The following FAP variants were observed in gnomAD, a reference collection of about 807,000 sequenced individuals.
The protein encoded by FAP is prolyl endopeptidase FAP.
In FAP, 110 loss-of-function variants were observed where a neutral mutation model predicts 126.5. That is an observed-to-expected ratio of 0.87 (90% CI 0.74 to 1.02). FAP has a LOEUF of 1.02. Ranked by LOEUF, FAP falls within the 50% of genes least tolerant of loss-of-function variation. The pLI is 0.00. For synonymous variants in FAP, 334 were observed against 297.3 expected (o/e 1.12, Z -1.27); for missense variants, 919 against 909.2 (o/e 1.01, Z -0.14).
intron 15 of FAP, among the ~76,000 whole-genome samples, chr2:162,199,522 G>A (rs148082256): frequency 1.2e-4 from 19 of 152,252 alleles, no homozygotes; most frequent in African/African-American, 3.9e-4. Flanking sequence ...TGGTTCCTGA[G>A]CAGGGTGATT....
chr2:162,192,067 A>T (rs1688067562), intron 17 of FAP, among the ~76,000 whole-genome samples: 1 of 151,918 alleles, frequency 6.6e-6, no homozygotes, highest in Non-Finnish European at 1.5e-5. Flanking sequence ...TTCCTCTATC[A>T]CATCCACTCA....
At chr2:162,226,455 A>T (rs1223687039) in intron 3 of FAP, 68 bp downstream of exon 3, 1 of 726,892 alleles carries the variant, frequency 1.4e-6, no homozygotes, top group Admixed American at 2.6e-5. Context: ...ATAGAGATGT[A>T]TTGGCACTAA....
At chr2:162,224,690 T>A in intron 4 of FAP, 150 bp from the exon 5 acceptor site, 1 of 516,800 alleles carries the variant, frequency 1.9e-6, no homozygotes, top group Non-Finnish European at 3.4e-6. Flanking sequence ...GGAACTTAAC[T>A]ATAATTCAAA....
At chr2:162,194,631 T>C (rs891906589) in intron 17 of FAP, 70 bp downstream of exon 17, 3 of 1,400,192 alleles carry the variant, frequency 2.1e-6, no homozygotes, top group African/African-American at 1.4e-5. Context: ...TGTCCTGCTT[T>C]CTCTAGCGGA....
chr2:162,239,807 C>G (rs967270544), intron 2 of FAP, among the ~76,000 whole-genome samples: 4 of 152,154 alleles, frequency 2.6e-5, no homozygotes, highest in Non-Finnish European at 5.9e-5. Flanking sequence ...CAAATAGTTC[C>G]TATGATTTCT....
At chr2:162,221,330 G>C (rs74378743) in intron 6 of FAP, among the ~76,000 whole-genome samples, 5,573 of 152,090 alleles carry the variant, frequency 0.037, 482 homozygotes, top group Admixed American at 0.22. Context: ...AGGAGTTCGA[G>C]ACCAGCCTGG....
chr2:162,195,629 T>A (rs932917350), intron 16 of FAP, among the ~76,000 whole-genome samples: 1 of 152,084 alleles, frequency 6.6e-6, no homozygotes, highest in Non-Finnish European at 1.5e-5. Context: ...GATGAAGGGA[T>A]CTGGCTGGCA....
chr2:162,207,797 G>A (rs1688766675), intron 12 of FAP, among the ~76,000 whole-genome samples: 1 of 150,618 alleles, frequency 6.6e-6, no homozygotes, highest in Non-Finnish European at 1.5e-5. Flanking sequence ...TGCAAGCTCC[G>A]CCTCCCAGGT....
At chr2:162,172,944 A>C (rs1687366898) in intron 24 of FAP, 60 bp from the exon 25 acceptor site, 1 of 1,355,828 alleles carries the variant, frequency 7.4e-7, no homozygotes, top group South Asian at 1.2e-5. Context: ...TAGAGTGACA[A>C]TGTACTGCCT....
intron 14 of FAP, among the ~76,000 whole-genome samples, chr2:162,201,095 A>G (rs1688479717): frequency 6.6e-6 from 1 of 152,170 alleles, no homozygotes; most frequent in South Asian, 2.1e-4. Flanking sequence ...CCAGATGCAA[A>G]AGAAGTCATA....
chr2:162,238,895 C>G (rs1341544886), intron 2 of FAP, among the ~76,000 whole-genome samples: 1 of 152,118 alleles, frequency 6.6e-6, no homozygotes, highest in Non-Finnish European at 1.5e-5. Flanking sequence ...AATGATATTT[C>G]TTCTTAAAAA....
chr2:162,207,570 G>C (rs562999604), intron 12 of FAP, among the ~76,000 whole-genome samples: 5 of 152,294 alleles, frequency 3.3e-5, no homozygotes, highest in Non-Finnish European at 7.3e-5. Flanking sequence ...AGAGGTATGT[G>C]CCTCAACTGA....
At chr2:162,217,005 A>G (rs1276835565) in intron 9 of FAP, among the ~76,000 whole-genome samples, 1 of 152,206 alleles carries the variant, frequency 6.6e-6, no homozygotes, top group Non-Finnish European at 1.5e-5. Context: ...GTTCTTTTAC[A>G]TCTTGGGTTC....
intron 11 of FAP, 35 bp from the exon 12 acceptor site, chr2:162,210,031 A>AG (rs1459184829): frequency 6.3e-7 from 1 of 1,594,074 alleles, no homozygotes; most frequent in African/African-American, 1.3e-5. Context: ...ACATAGTATT[A>AG]GGAGAACATT....
rs1688334490 is a variant in FAP, at chr2:162,198,183, T to C, written c.1402+574A>G. The C allele has an allele frequency of 2.3e-6, 3 of 1,287,908 alleles. No homozygotes were observed. The South Asian group carries it at 3.7e-5, about 16-fold the overall frequency. The allele number at this position is 1,287,908 out of a possible 1,614,324, so 79.8% of individuals were successfully genotyped here. A position where few individuals can be genotyped will look rare whatever the true frequency, so the allele number is the denominator to read the frequency against. On this transcript the variant is annotated intron_variant, in intron 16 of 25. Transcript: ENST00000188790. The stretch of plus-strand genomic sequence containing the variant: ...TATATTTGATGCATTACTTACGATG[T>C]TTTCCAAATTTAGAAAGGACAAAGG...
intron 21 of FAP, among the ~76,000 whole-genome samples, chr2:162,179,420 C>T (rs1687606324): frequency 6.6e-6 from 1 of 152,064 alleles, no homozygotes; most frequent in Non-Finnish European, 1.5e-5. Flanking sequence ...GTTTAAACAA[C>T]ATCATAGATG....
intron 2 of FAP, among the ~76,000 whole-genome samples, chr2:162,235,479 T>A (rs1172102574): frequency 6.6e-6 from 1 of 152,180 alleles, no homozygotes; most frequent in African/African-American, 2.4e-5. Context: ...AACACACCAA[T>A]CAGCACCCTG....
intron 20 of FAP, among the ~76,000 whole-genome samples, chr2:162,186,588 T>C (rs1364685074): frequency 2.0e-5 from 3 of 152,094 alleles, no homozygotes; most frequent in African/African-American, 7.2e-5. Flanking sequence ...ATGATGACGA[T>C]GATGAAGACA....
intron 20 of FAP, among the ~76,000 whole-genome samples, chr2:162,186,214 T>A (rs973612587): frequency 6.6e-6 from 1 of 152,136 alleles, no homozygotes; most frequent in Non-Finnish European, 1.5e-5. Context: ...ATATTAATAT[T>A]TGCTATGTTG....
Sources: gnomAD v4.1 joint callset for allele counts (sites outside exome capture counted in the v4.1 genomes callset) on GRCh38, gnomAD v4.1.1 for gene constraint, MANE v1.5 for transcripts, NCBI Gene and HGNC (gene_info 2026-07-23, HGNC 2026-07-21) for gene names.